EPYC: variants seen among roughly 807,000 people sequenced by gnomAD.
EPYC encodes dermatan sulfate proteoglycan 3.
In EPYC, 28 loss-of-function variants were observed where a neutral mutation model predicts 30.1. The observed-to-expected ratio is 0.93, with a 90% CI of 0.69 to 1.28. EPYC has a LOEUF of 1.28. Among genes scored for constraint, EPYC ranks in the 50% most tolerant of loss-of-function variants. EPYC has a pLI of 0.00. For missense variants in EPYC, 382 were observed against 383.5 expected (o/e 1.00, Z 0.03); for synonymous variants, 144 against 141.4 (o/e 1.02, Z -0.13).
At chr12:90,982,385 T>A (rs1445242012) in intron 2 of EPYC, among the ~76,000 whole-genome samples, 1 of 152,096 alleles carries the variant, frequency 6.6e-6, no homozygotes, top group Non-Finnish European at 1.5e-5. Flanking sequence ...TCACCCAATT[T>A]TATAGCATTT....
rs562514777 is a variant in EPYC, at chr12:90,969,843, A to G, written c.798+201T>C. Among the ~76,000 whole-genome samples, 3 of 152,356 alleles carry G rather than the reference A, an allele frequency of 2.0e-5. No individual in the cohort carries two copies. The South Asian group carries it at 6.2e-4, about 32-fold the overall frequency. On this transcript the variant is annotated intron_variant, in intron 6 of 6. Transcript: ENST00000261172. The stretch of plus-strand genomic sequence containing the variant: ...AAAAGAGTAAAGTTATCAGAATTCA[A>G]TTAGAATAGATAGAGCTATGAATGT...
chr12:90,982,771 A>G lies in EPYC; in HGVS notation c.166-4509T>C, dbSNP rs142947295. Among the ~76,000 whole-genome samples, 1,110 of 152,216 alleles carry G rather than the reference A, an allele frequency of 7.3e-3. 48 individuals carry two copies. The highest frequency in any genetic ancestry group is 0.064 in the Admixed American group (976 of 15,276). ...TTTCTATGCCTGGCTTATTTCACCT[A>G]ACATAATACTCTCCAAGTTCATCCA... On this transcript the variant is annotated intron_variant, in intron 2 of 6. Transcript: ENST00000261172.
rs758296961 is a variant in EPYC at position 90,964,316 on chromosome 12, ATGT to A, written c.806_808del (p.Asn269del). On this transcript the variant is annotated inframe_deletion, in exon 7 of 7. Coordinates refer to ENST00000261172, the MANE Select transcript of EPYC (RefSeq NM_004950.5). The stretch of plus-strand genomic sequence containing the variant: ...GAACGTATCTTCGTGCATTTCCAGA[ATGT>A]TGTTATTCTAAAAAAGATGAAAATA... 1 of 1,605,442 alleles carries A rather than the reference ATGT, an allele frequency of 6.2e-7. No homozygotes were observed. Among genetic ancestry groups the A allele is most frequent in the Admixed American group, 1.7e-5 (1 of 59,798 alleles).
intron 3 of EPYC, among the ~76,000 whole-genome samples, chr12:90,976,847 T>C (rs1019277735): frequency 2.6e-5 from 4 of 152,098 alleles, no homozygotes; most frequent in African/African-American, 9.7e-5. Flanking sequence ...GATCTGATGG[T>C]TTTATAAGGC....
In EPYC at chr12:90,971,888, T is replaced by A. The variant is rs1877058615; in HGVS notation, c.614A>T (p.Gln205Leu). ...CAAAGTGGTTGGCAATTCTGGGAGC[T>A]GCCTTATTTTGTTGTCACGCAGGAC... The part of the protein sequence containing the change: ...ELVLRDNKIR[Q>L]LPELPTTLTF... Residue 205 changes from glutamine to leucine, a missense_variant, in exon 5 of 7, where the codon CAG becomes CTG. Gln to Leu is a moderately radical substitution (Grantham distance 113, BLOSUM62 -2). Transcript: ENST00000261172. The A allele has an allele frequency of 6.2e-7, 1 of 1,612,190 alleles. No individual in the cohort carries two copies. The highest frequency in any genetic ancestry group is 8.5e-7 in the Non-Finnish European group (1 of 1,179,266).
chr12:90,986,743 G>A (rs536701322), intron 2 of EPYC, among the ~76,000 whole-genome samples: 7 of 152,148 alleles, frequency 4.6e-5, no homozygotes, highest in South Asian at 4.2e-4. Context: ...GCAGCACATC[G>A]GAACCCATAT....
rs1008571346 is a variant in EPYC, at chr12:90,972,937, C to T, written c.384G>A (p.Val128=). 2 of 1,610,900 alleles carry T rather than the reference C, an allele frequency of 1.2e-6. No homozygotes were observed. The highest frequency in any genetic ancestry group is 1.7e-5 in the Admixed American group (1 of 59,776). The part of the protein sequence containing the change: ...CLLCTCISTT[V]YCDDHELDAI... Reference sequence around the variant, plus strand: ...CATCAAGTTCATGGTCATCACAGTACACGGTGGTACTTATACAAGTACACA... The same window carrying T: ...CATCAAGTTCATGGTCATCACAGTATACGGTGGTACTTATACAAGTACACA... The change falls in exon 4 of 7, where the codon GTG becomes GTA. Residue 128 remains valine (V), a synonymous_variant. Coordinates refer to ENST00000261172, the MANE Select transcript of EPYC (RefSeq NM_004950.5).
chr12:90,977,638 T>C (rs988184410), intron 3 of EPYC, among the ~76,000 whole-genome samples: 6 of 152,134 alleles, frequency 3.9e-5, no homozygotes, highest in African/African-American at 1.4e-4. Flanking sequence ...AATAATCCAA[T>C]GAGATAATGT....
At chr12:90,988,089 T>A (rs1227030245) in intron 2 of EPYC, among the ~76,000 whole-genome samples, 3 of 152,146 alleles carry the variant, frequency 2.0e-5, no homozygotes, top group Non-Finnish European at 4.4e-5. Flanking sequence ...GATTCATTGA[T>A]ATTTATGAGG....
At chr12:90,978,295 G>A (rs1592625705) in intron 2 of EPYC, 33 bp from the exon 3 acceptor site, 3 of 1,561,204 alleles carry the variant, frequency 1.9e-6, no homozygotes, top group Non-Finnish European at 2.6e-6. Flanking sequence ...AATTTCTTCA[G>A]GCCAACTTCT....
chr12:90,997,440 A>T (rs986364133), intron 2 of EPYC, among the ~76,000 whole-genome samples: 1 of 152,090 alleles, frequency 6.6e-6, no homozygotes, highest in Non-Finnish European at 1.5e-5. Flanking sequence ...AAAATGCATT[A>T]CACATAGTTA....
At chr12:91,001,337 A>C (rs141555868) in intron 2 of EPYC, among the ~76,000 whole-genome samples, 51 of 152,222 alleles carry the variant, frequency 3.4e-4, no homozygotes, top group African/African-American at 1.2e-3. Context: ...TATCAAAAGT[A>C]GTTATTCTAA....
intron 3 of EPYC, among the ~76,000 whole-genome samples, chr12:90,977,657 G>T (rs1209471795): frequency 3.3e-5 from 5 of 152,102 alleles, no homozygotes; most frequent in African/African-American, 7.2e-5. Context: ...GTGAAGTGCT[G>T]AGCATATAGG....
intron 6 of EPYC, among the ~76,000 whole-genome samples, chr12:90,965,905 C>T (rs1204196331): frequency 6.6e-6 from 1 of 151,690 alleles, no homozygotes; most frequent in Non-Finnish European, 1.5e-5. Context: ...GGATTGTTTT[C>T]TTAATTTTTT....
At chr12:90,964,423 T>A (rs1185547465) in intron 6 of EPYC, 97 bp from the exon 7 acceptor site, 8 of 866,774 alleles carry the variant, frequency 9.2e-6, no homozygotes, top group Non-Finnish European at 1.3e-5. Flanking sequence ...TTTTATTCTT[T>A]TGTTATTTTC....
At chr12:90,994,314 G>A (rs1178825921) in intron 2 of EPYC, among the ~76,000 whole-genome samples, 2 of 152,134 alleles carry the variant, frequency 1.3e-5, no homozygotes, top group Admixed American at 1.3e-4. Context: ...CAATGGTAAA[G>A]TTACTTGCAT....
intron 2 of EPYC, among the ~76,000 whole-genome samples, chr12:90,994,660 A>G (rs573454650): frequency 1.3e-5 from 2 of 152,238 alleles, no homozygotes; most frequent in East Asian, 3.9e-4. Context: ...TGGAAAGGAA[A>G]TATCTGTACC....
intron 1 of EPYC, among the ~76,000 whole-genome samples, chr12:91,004,082 TA>T (rs1301397076): frequency 1.3e-5 from 2 of 152,228 alleles, no homozygotes; most frequent in Admixed American, 6.6e-5. Flanking sequence ...TCCTACTTAA[TA>T]AAACAGTGGG....
chr12:90,972,869 C>T lies in EPYC; in HGVS notation c.452G>A (p.Arg151His), dbSNP rs577030828. 1.5e-4 allele frequency: 240 copies of T among 1,613,362 alleles called. 1 individual carries two copies. The highest frequency in any genetic ancestry group is 1.4e-3 in the South Asian group (124 of 91,046). ...LPKNTAYFYSRFNRIKKINKN... is the reference protein window; with the variant it reads ...LPKNTAYFYSHFNRIKKINKN... ...GTTGATCTTTTTAATTCTGTTAAAGCGGGAATAGAAATAAGCGGTGTTCTT... is the reference window on the plus strand; with the variant it reads ...GTTGATCTTTTTAATTCTGTTAAAGTGGGAATAGAAATAAGCGGTGTTCTT... The change falls in exon 4 of 7, where the codon CGC becomes CAC. Residue 151 changes from arginine to histidine, a missense_variant. Transcript: ENST00000261172.
Sources: allele counts gnomAD v4.1 joint callset (sites outside exome capture counted in the v4.1 genomes callset), GRCh38; gene constraint gnomAD v4.1.1; transcripts MANE v1.5; gene names NCBI Gene and HGNC (gene_info 2026-07-23, HGNC 2026-07-21).